Variants in ANKRD13A observed in about 807,000 individuals in gnomAD.
ANKRD13A encodes ankyrin repeat domain-containing protein 13A.
ANKRD13A carries 48 observed loss-of-function variants against 81.3 expected under a neutral mutation model. The ratio of observed to expected loss-of-function variants is 0.59; its 90% CI spans 0.47 to 0.75. The LOEUF is 0.75. Ranked by LOEUF, ANKRD13A falls within the 30% of genes least tolerant of loss-of-function variation. The pLI is 0.00. For missense variants in ANKRD13A, 612 were observed against 734.0 expected, an observed-to-expected ratio of 0.83 and a Z score of 1.92; for synonymous variants, 230 against 270.1, an observed-to-expected ratio of 0.85 and a Z score of 1.45.
intron 1 of ANKRD13A, among the ~76,000 whole-genome samples, chr12:110,009,951 G>A (rs1024564193): frequency 6.6e-6 from 1 of 152,144 alleles, no homozygotes; most frequent in African/African-American, 2.4e-5. Flanking sequence ...TGCAACCTCC[G>A]CCTCCCAGGT....
chr12:110,006,141 A>G (rs1235617319), intron 1 of ANKRD13A, among the ~76,000 whole-genome samples: 2 of 152,112 alleles, frequency 1.3e-5, no homozygotes, highest in Admixed American at 1.3e-4. Flanking sequence ...TTGTATGGGT[A>G]TATGTTTTCA....
intron 8 of ANKRD13A, among the ~76,000 whole-genome samples, chr12:110,026,500 C>T (rs1019605559): frequency 6.6e-6 from 1 of 151,536 alleles, no homozygotes; most frequent in Non-Finnish European, 1.5e-5. Flanking sequence ...TCACTTGAAC[C>T]TGGCAGGCGG....
At chr12:110,019,474 A>C in intron 6 of ANKRD13A, 146 bp downstream of exon 6, 1 of 711,448 alleles carries the variant, frequency 1.4e-6, no homozygotes, top group Non-Finnish European at 2.1e-6. Flanking sequence ...ATTGATCTCT[A>C]ACCAGTAGAA....
chr12:110,007,443 C>T (rs1890295345), intron 1 of ANKRD13A, among the ~76,000 whole-genome samples: 1 of 152,200 alleles, frequency 6.6e-6, no homozygotes, highest in East Asian at 1.9e-4. Context: ...TTCAATGGCA[C>T]AATCTTGGCT....
At chr12:110,025,508 A>G (rs891067697) in intron 7 of ANKRD13A, among the ~76,000 whole-genome samples, 1 of 152,310 alleles carries the variant, frequency 6.6e-6, no homozygotes, top group East Asian at 1.9e-4. Context: ...GCAGCCTGTC[A>G]CTGCTAACTC....
At position 110,027,774 on chromosome 12, in the gene ANKRD13A, G is replaced by A; in HGVS notation, c.945+8G>A. 6 of 1,613,986 alleles carry A rather than the reference G, an allele frequency of 3.7e-6. No individual in the cohort carries two copies. The highest frequency in any genetic ancestry group is 5.1e-6 in the Non-Finnish European group (6 of 1,179,874). ...CAATTTGGTGCACAAGGGGTAAGTT[G>A]AAGCAATGAGCTTTCATTGCAGTTA... is the stretch of plus-strand genomic sequence containing the variant. On this transcript the variant is annotated splice_region_variant and intron_variant, in intron 9 of 14. Transcript: ENST00000261739.
Position 110,018,164 on chromosome 12 carries a change from T to A in ANKRD13A, c.401-181T>A, listed in dbSNP as rs1471970977. ...TTTTTCTGGTGAATGGAATGGAAGG[T>A]TCATTTTTATTTTTCAAGAGTGATT... On this transcript the variant is annotated intron_variant, in intron 4 of 14. Transcript: ENST00000261739. This position sits in a 1 kb window ranked among gnomAD's most constrained non-coding sequence, Gnocchi z 4.4. Among the ~76,000 whole-genome samples, 1 of 151,986 alleles carries A rather than the reference T, an allele frequency of 6.6e-6. No homozygotes were observed. Among genetic ancestry groups the A allele is most frequent in the Non-Finnish European group, 1.5e-5 (1 of 67,972 alleles).
chr12:110,024,201 G>C, intron 7 of ANKRD13A, 89 bp downstream of exon 7: 1 of 1,131,332 alleles, frequency 8.8e-7, no homozygotes, highest in South Asian at 1.5e-5. Flanking sequence ...TCATGCATCT[G>C]TGCCATGGAG....
intron 3 of ANKRD13A, among the ~76,000 whole-genome samples, chr12:110,014,130 C>T (rs948466462): frequency 7.2e-5 from 11 of 152,044 alleles, no homozygotes; most frequent in African/African-American, 2.7e-4. Flanking sequence ...ATAAGACAGT[C>T]AGCTGGGTGT....
At chr12:110,020,670 C>T (rs565856257) in intron 6 of ANKRD13A, among the ~76,000 whole-genome samples, 64 of 152,354 alleles carry the variant, frequency 4.2e-4, no homozygotes, top group African/African-American at 1.5e-3. Context: ...TACCCTTCTG[C>T]AGACAGGGAG....
chr12:110,010,852 C>G (rs1246859417), intron 1 of ANKRD13A, among the ~76,000 whole-genome samples: 1 of 152,234 alleles, frequency 6.6e-6, no homozygotes, highest in African/African-American at 2.4e-5. Context: ...TTCTGCGTAT[C>G]TTCAGAGACT....
chr12:110,011,950 T>C lies in ANKRD13A; in HGVS notation c.97-55T>C, dbSNP rs1028757539. On this transcript the variant is annotated intron_variant, in intron 1 of 14. Transcript: ENST00000261739. ...ACTTGAAATATCTGTCAAGCACATTTCCCTATTTTAATGTAATACATCCAA... is the reference window on the plus strand; with the variant it reads ...ACTTGAAATATCTGTCAAGCACATTCCCCTATTTTAATGTAATACATCCAA... 47 of 1,526,198 alleles carry C rather than the reference T, an allele frequency of 3.1e-5. No homozygotes were observed. In the African/African-American group the frequency reaches 3.2e-4, roughly 10 times the overall value. The allele number at this position is 1,526,198 out of a possible 1,614,324, so 94.5% of individuals were successfully genotyped here.
intron 8 of ANKRD13A, chr12:110,027,145 A>ACATCCCAGCCC (rs201635003): frequency 5.9e-5 from 9 of 152,692 alleles, no homozygotes; most frequent in African/African-American, 1.9e-4. Context: ...TGTGGTTGCC[A>ACATCCCAGCCC]CATCCCAGCC....
Position 110,018,464 on chromosome 12 carries a change from C to T in ANKRD13A, c.520C>T (p.Arg174Cys), listed in dbSNP as rs1318314825. ...AAACATGAGCTGGATAAGAGGGAGG[C>T]GTAGTTTTATATTTAAGGGAGAAGG... ...FENMSWIRGR[R>C]SFIFKGEDNW... Residue 174 changes from arginine to cysteine, a missense_variant, in exon 5 of 15, where the codon CGT becomes TGT. Transcript: ENST00000261739. This position sits in a 1 kb window ranked among gnomAD's most constrained non-coding sequence, Gnocchi z 4.4. The T allele has an allele frequency of 1.2e-6, 2 of 1,614,066 alleles. No individual in the cohort carries two copies. Among genetic ancestry groups the T allele is most frequent in the Non-Finnish European group, 1.7e-6 (2 of 1,179,988 alleles).
chr12:110,019,584 A>G (rs1236040620), intron 6 of ANKRD13A, among the ~76,000 whole-genome samples: 2 of 152,094 alleles, frequency 1.3e-5, no homozygotes, highest in African/African-American at 4.8e-5. Flanking sequence ...CTTTTCTTTT[A>G]TGTCTTTTAT....
Position 110,036,453 on chromosome 12 carries a change from A to G in ANKRD13A, c.1577+125A>G, listed in dbSNP as rs1892054689. On this transcript the variant is annotated intron_variant, in intron 14 of 14. Transcript: ENST00000261739. This position sits in a 1 kb window ranked among gnomAD's most constrained non-coding sequence, Gnocchi z 4.6. ...GTACGGTGCCACAAACTGGCAGGAA[A>G]GACTAGAAAAAGTAGGCCAGGAGCG... 10 of 1,069,780 alleles carry G rather than the reference A, an allele frequency of 9.3e-6. No homozygotes were observed. The South Asian group carries it at 1.2e-4, about 12-fold the overall frequency. 66.3% of individuals were successfully genotyped at this position (1,069,780 alleles called of 1,614,324 possible).
At position 110,018,250 on chromosome 12, in the gene ANKRD13A, TC is replaced by T; in HGVS notation, c.401-91del. On this transcript the variant is annotated intron_variant, in intron 4 of 14. Transcript: ENST00000261739. The surrounding 1 kb of genome is among the most constrained non-coding windows in gnomAD (Gnocchi z 4.4). The stretch of plus-strand genomic sequence containing the variant: ...TGTTTGATGGTCACCATCTTGCCAC[TC>T]CCCTCCTTTTATTAAATCAGAATCC... The T allele has an allele frequency of 1.5e-6, 2 of 1,352,172 alleles. No individual in the cohort carries two copies. Among genetic ancestry groups the T allele is most frequent in the Non-Finnish European group, 1.0e-6 (1 of 985,946 alleles). The allele number at this position is 1,352,172 out of a possible 1,614,324, so 83.8% of individuals were successfully genotyped here. A position where few individuals can be genotyped will look rare whatever the true frequency, so the allele number is the denominator to read the frequency against.
At chr12:110,008,938 C>T (rs1475517736) in intron 1 of ANKRD13A, among the ~76,000 whole-genome samples, 1 of 152,150 alleles carries the variant, frequency 6.6e-6, no homozygotes, top group East Asian at 1.9e-4. Flanking sequence ...TTTAAAATTA[C>T]TAATTCAATC....
At chr12:110,021,219 T>G in intron 6 of ANKRD13A, 5 of 446,958 alleles carry the variant, frequency 1.1e-5, no homozygotes, top group South Asian at 7.8e-5. Flanking sequence ...AAATGTGTGC[T>G]TGTCGTGCAT....
Sources: gnomAD v4.1 joint callset for allele counts (sites outside exome capture counted in the v4.1 genomes callset) on GRCh38, gnomAD v4.1.1 for gene constraint, Gnocchi (gnomAD v3.1) non-coding constraint, MANE v1.5 for transcripts, NCBI Gene and HGNC (gene_info 2026-07-23, HGNC 2026-07-21) for gene names.